Variants in UBE2E2 observed in about 807,000 individuals in gnomAD.
UBE2E2 encodes the protein ubiquitin conjugating enzyme E2 E2.
A neutral mutation model predicts 24.7 loss-of-function variants in UBE2E2; 6 were observed. The observed-to-expected ratio is 0.24, with a 90% CI of 0.13 to 0.48. The LOEUF (loss-of-function observed/expected upper bound fraction) is 0.48, where lower values mean the gene tolerates loss of function less well. Ranked by LOEUF, UBE2E2 falls within the 20% of genes least tolerant of loss-of-function variation. UBE2E2 has a pLI of 0.99. For missense variants in UBE2E2, 169 were observed against 245.0 expected, an observed-to-expected ratio of 0.69 and a Z score of 2.07; for synonymous variants, 104 against 83.6, an observed-to-expected ratio of 1.24 and a Z score of -1.33.
intron 3 of UBE2E2, among the ~76,000 whole-genome samples, chr3:23,372,492 A>G (rs1447340930): frequency 1.3e-5 from 2 of 152,168 alleles, no homozygotes; most frequent in African/African-American, 2.4e-5. Context: ...GCAGCACTCA[A>G]TTTAACCTTG....
At chr3:23,374,100 A>G (rs1369501274) in intron 3 of UBE2E2, among the ~76,000 whole-genome samples, 1 of 152,208 alleles carries the variant, frequency 6.6e-6, no homozygotes, top group Non-Finnish European at 1.5e-5. Context: ...AAGTCAAAAT[A>G]TAATGGTATA....
intron 3 of UBE2E2, among the ~76,000 whole-genome samples, chr3:23,235,518 G>A (rs1395596763): frequency 6.6e-6 from 1 of 152,084 alleles, no homozygotes; most frequent in African/African-American, 2.4e-5. Flanking sequence ...GCCAAATCAA[G>A]CAGAGTTTGG....
intron 4 of UBE2E2, among the ~76,000 whole-genome samples, chr3:23,531,637 G>C (rs181392714): frequency 3.3e-5 from 5 of 152,242 alleles, no homozygotes. Context: ...AGAAGGAAAA[G>C]GTTTCTAAAT....
At chr3:23,264,562 A>G (rs1697992769) in intron 3 of UBE2E2, among the ~76,000 whole-genome samples, 1 of 152,166 alleles carries the variant, frequency 6.6e-6, no homozygotes, top group Admixed American at 6.6e-5. Flanking sequence ...GATCCCACAA[A>G]GAAATTTTAG....
intron 3 of UBE2E2, among the ~76,000 whole-genome samples, chr3:23,237,399 CA>C (rs1240274612): frequency 2.6e-5 from 4 of 152,090 alleles, no homozygotes. Context: ...AAATGGTAAG[CA>C]TACATATAAG....
intron 1 of UBE2E2, among the ~76,000 whole-genome samples, chr3:23,205,880 C>A (rs1379386020): frequency 4.6e-5 from 7 of 151,998 alleles, no homozygotes; most frequent in Non-Finnish European, 7.4e-5. Context: ...ATTGAGTAAT[C>A]TTTTTAAGTA....
At chr3:23,513,836 T>C (rs1375020250) in intron 4 of UBE2E2, among the ~76,000 whole-genome samples, 3 of 152,240 alleles carry the variant, frequency 2.0e-5, no homozygotes, top group African/African-American at 7.2e-5. Context: ...GGACTTTTTT[T>C]TATTGAAAGT....
At chr3:23,335,961 G>T (rs937737022) in intron 3 of UBE2E2, among the ~76,000 whole-genome samples, 4 of 152,216 alleles carry the variant, frequency 2.6e-5, no homozygotes, top group Admixed American at 2.0e-4. Context: ...AGCCTCCCCA[G>T]TGCCTCAAAA....
chr3:23,379,598 T>C (rs1575595198), intron 3 of UBE2E2, among the ~76,000 whole-genome samples: 1 of 151,686 alleles, frequency 6.6e-6, no homozygotes, highest in African/African-American at 2.4e-5. Flanking sequence ...GGCTGCATAG[T>C]ATTCCATGGT....
intron 5 of UBE2E2, among the ~76,000 whole-genome samples, chr3:23,556,127 T>C (rs1173724714): frequency 6.7e-6 from 1 of 150,206 alleles, no homozygotes; most frequent in African/African-American, 2.4e-5. Context: ...GTTGTATACC[T>C]TAAATATACA....
At chr3:23,302,124 A>G (rs1194899785) in intron 3 of UBE2E2, among the ~76,000 whole-genome samples, 4 of 151,824 alleles carry the variant, frequency 2.6e-5, no homozygotes, top group South Asian at 2.1e-4. Context: ...GCTCTCCATG[A>G]TTACTTTAGG....
chr3:23,305,614 G>C (rs1180929009), intron 3 of UBE2E2, among the ~76,000 whole-genome samples: 2 of 152,180 alleles, frequency 1.3e-5, no homozygotes, highest in Non-Finnish European at 2.9e-5. Context: ...AGGTCTCTGG[G>C]ATGCTCAGAG....
chr3:23,373,165 C>G (rs1193910811), intron 3 of UBE2E2, among the ~76,000 whole-genome samples: 1 of 152,162 alleles, frequency 6.6e-6, no homozygotes, highest in African/African-American at 2.4e-5. Context: ...TTGTAGAATC[C>G]TAGTGAACTT....
At chr3:23,564,768 C>T (rs2125507371) in intron 5 of UBE2E2, among the ~76,000 whole-genome samples, 1 of 152,264 alleles carries the variant, frequency 6.6e-6, no homozygotes, top group South Asian at 2.1e-4. Flanking sequence ...CAGGTTTCTA[C>T]AACTCATGTT....
At chr3:23,555,081 A>C (rs972456852) in intron 5 of UBE2E2, among the ~76,000 whole-genome samples, 7 of 151,912 alleles carry the variant, frequency 4.6e-5, no homozygotes, top group African/African-American at 1.7e-4. Context: ...ACGCCCGTCT[A>C]ATTTTTTGTA....
chr3:23,382,243 G>A (rs1341476563), intron 3 of UBE2E2, among the ~76,000 whole-genome samples: 2 of 144,772 alleles, frequency 1.4e-5, no homozygotes, highest in Non-Finnish European at 3.0e-5. Flanking sequence ...GTGCAGTGGC[G>A]CAATCTCGGC....
intron 3 of UBE2E2, among the ~76,000 whole-genome samples, chr3:23,301,269 C>A (rs1699079464): frequency 6.6e-6 from 1 of 152,142 alleles, no homozygotes; most frequent in Non-Finnish European, 1.5e-5. Context: ...TGTCTGAAGC[C>A]TTCTTCTCTC....
intron 3 of UBE2E2, among the ~76,000 whole-genome samples, chr3:23,404,998 G>T (rs1697320632): frequency 6.6e-6 from 1 of 152,202 alleles, no homozygotes; most frequent in African/African-American, 2.4e-5. Flanking sequence ...TGACTCAGAT[G>T]CGAAGGTGTT....
chr3:23,341,105 A>G (rs1450670159), intron 3 of UBE2E2, among the ~76,000 whole-genome samples: 1 of 152,192 alleles, frequency 6.6e-6, no homozygotes, highest in Admixed American at 6.5e-5. Context: ...CTTGCATTGA[A>G]AAGGTGTAAG....
Sources: gnomAD v4.1 joint callset for allele counts (sites outside exome capture counted in the v4.1 genomes callset) on GRCh38, gnomAD v4.1.1 for gene constraint, MANE v1.5 for transcripts, NCBI Gene and HGNC (gene_info 2026-07-23, HGNC 2026-07-21) for gene names.